The following PNPLA5 variants were observed in gnomAD, a reference collection of about 807,000 sequenced individuals.
The protein encoded by PNPLA5 is patatin like domain 5, triacylglycerol lipase.
Under a neutral mutation model 49.1 loss-of-function variants are expected in PNPLA5, and 44 were observed. The ratio of observed to expected loss-of-function variants is 0.90; its 90% CI spans 0.70 to 1.15. The LOEUF is 1.15. Ranked by LOEUF, PNPLA5 falls within the 50% of genes most tolerant of loss-of-function variation. The probability of loss-of-function intolerance (pLI) is 0.00; values close to 1 mark genes in which losing one functional copy is unlikely to be tolerated. For synonymous variants in PNPLA5, 243 were observed against 244.4 expected (o/e 0.99, Z 0.06); for missense variants, 603 against 564.0 (o/e 1.07, Z -0.70).
chr22:43,889,815 G>C lies in PNPLA5; in HGVS notation c.476C>G (p.Pro159Arg), dbSNP rs1240848351. 6.2e-7 allele frequency: 1 copy of C among 1,613,144 alleles called. No homozygotes were observed. Among genetic ancestry groups the C allele is most frequent in the African/African-American group, 1.3e-5 (1 of 74,928 alleles). The change falls in exon 3 of 9, where the codon CCC becomes CGC. Residue 159 changes from proline to arginine, a missense_variant. Transcript: ENST00000216177. ...YFPFYCGLIPPEFRGERYIDG... is the reference protein window; with the variant it reads ...YFPFYCGLIPREFRGERYIDG... The stretch of plus-strand genomic sequence containing the variant: ...TGCACTCACCTCCCCTCTGAACTCG[G>C]GGGGGATCAGCCCGCAGTAGAAAGG...
chr22:43,889,370 A>C lies in PNPLA5; in HGVS notation c.661T>G (p.Phe221Val). 1 of 1,614,044 alleles carries C rather than the reference A, an allele frequency of 6.2e-7. No individual in the cohort carries two copies. Among genetic ancestry groups the C allele is most frequent in the Non-Finnish European group, 8.5e-7 (1 of 1,180,012 alleles). Residue 221 changes from phenylalanine to valine, a missense_variant, in exon 4 of 9, where the codon TTC (phenylalanine) becomes GTC (valine). Coordinates refer to ENST00000216177, the MANE Select transcript of PNPLA5 (RefSeq NM_138814.4). ...NFSFQISTENFFLGLICLIPP... is the reference protein window; with the variant it reads ...NFSFQISTENVFLGLICLIPP... Reference sequence around the variant, plus strand: ...ATGAGACATATGAGCCCCAGGAAGAAGTTCTCAGTGGAGATTTGGAAGCTG... The same window carrying C: ...ATGAGACATATGAGCCCCAGGAAGACGTTCTCAGTGGAGATTTGGAAGCTG...
chr22:43,891,548 C>T (rs2049723384), intron 1 of PNPLA5, 140 bp downstream of exon 1: 3 of 1,274,900 alleles, frequency 2.4e-6, no homozygotes, highest in Admixed American at 3.2e-5. Flanking sequence ...CCCCAGCACT[C>T]GGTGTTCTCA....
In PNPLA5 at chr22:43,889,862, G is replaced by A; in HGVS notation, c.429C>T (p.Ala143=). The change falls in exon 3 of 9, where the codon GCC becomes GCT. Residue 143 remains alanine (A), a splice_region_variant and synonymous_variant. Transcript: ENST00000216177. ...AAGGAAAGTATAAGGTGCAGACCAA[G>A]GCCTAGGAAGAGAAGAGTCAGCAGG... ...DFATCDELIQ[A]LVCTLYFPFY... The A allele has an allele frequency of 6.2e-7, 1 of 1,613,642 alleles. No homozygotes were observed.
chr22:43,889,338 G>C lies in PNPLA5; in HGVS notation c.693C>G (p.Pro231=). The change falls in exon 4 of 9, where the codon CCC becomes CCG. Residue 231 remains proline, a synonymous_variant. Coordinates refer to ENST00000216177, the MANE Select transcript of PNPLA5 (RefSeq NM_138814.4). ...FFLGLICLIP[P]SLEVVADNCR... is the part of the protein sequence containing the mutation. ...ACAGGGCCAGACCTACCTCGAGGCT[G>C]GGGGGTATGAGACATATGAGCCCCA... 6.2e-7 allele frequency: 1 copy of C among 1,613,338 alleles called. No homozygotes were observed. Among genetic ancestry groups the C allele is most frequent in the Non-Finnish European group, 8.5e-7 (1 of 1,179,770 alleles).
intron 2 of PNPLA5, among the ~76,000 whole-genome samples, chr22:43,890,298 CAGAG>C: frequency 6.6e-6 from 1 of 152,314 alleles, no homozygotes; most frequent in South Asian, 2.1e-4. Context: ...CTGCACCTCC[CAGAG>C]AGAGTTGGGA....
intron 7 of PNPLA5, among the ~76,000 whole-genome samples, chr22:43,882,960 C>G (rs2049625373): frequency 6.6e-6 from 1 of 152,238 alleles, no homozygotes; most frequent in East Asian, 1.9e-4. Context: ...GCTCAGCTGG[C>G]TCCAGAGCTC....
intron 2 of PNPLA5, among the ~76,000 whole-genome samples, chr22:43,890,504 G>T (rs1371732500): frequency 6.6e-6 from 1 of 152,176 alleles, no homozygotes; most frequent in Non-Finnish European, 1.5e-5. Flanking sequence ...TAGTGTCAGG[G>T]TGTATGTGAA....
intron 7 of PNPLA5, among the ~76,000 whole-genome samples, chr22:43,883,476 G>C (rs968737378): frequency 1.3e-5 from 2 of 152,240 alleles, no homozygotes; most frequent in African/African-American, 4.8e-5. Flanking sequence ...ATGTTACTGA[G>C]AGCCTAACCA....
chr22:43,881,532 C>T, intron 8 of PNPLA5, 26 bp downstream of exon 8: 4 of 1,553,332 alleles, frequency 2.6e-6, no homozygotes, highest in Non-Finnish European at 3.5e-6. Flanking sequence ...CACCCCCTCT[C>T]CATCCCTGCC....
chr22:43,888,371 A>AGTGTGTGT (rs35343347), intron 4 of PNPLA5, among the ~76,000 whole-genome samples: 2,888 of 112,908 alleles, frequency 0.026, 70 homozygotes, highest in African/African-American at 0.057. Flanking sequence ...GGGGCAGAGG[A>AGTGTGTGT]GTGTGTGTGT....
At position 43,879,860 on chromosome 22, in the gene PNPLA5, TTTA is replaced by T. The variant is rs1168842687; in HGVS notation, c.*932_*934del. On this transcript the variant is annotated 3_prime_UTR_variant, in exon 9 of 9. Transcript: ENST00000216177. ...ATGCACCACCATGCCCAGCTAAGTT[TTTA>T]TTATTTTTTTTAGAGACAGGGTCTT... 1 of 152,074 alleles carries T rather than the reference TTTA, an allele frequency of 6.6e-6. No individual in the cohort carries two copies. Among genetic ancestry groups the T allele is most frequent in the East Asian group, 1.9e-4 (1 of 5,178 alleles). The allele number at this position is 152,074 out of a possible 1,614,324, so 9.4% of individuals were successfully genotyped here. A position where few individuals can be genotyped will look rare whatever the true frequency, so the allele number is the denominator to read the frequency against.
Position 43,881,717 on chromosome 22 carries a change from G to A in PNPLA5, c.1083-43C>T, listed in dbSNP as rs765233517. On this transcript the variant is annotated intron_variant, in intron 7 of 8. Transcript: ENST00000216177. ...TCAGCTTTGCCCAGGTGAGCCTGGG[G>A]TGTGGCCCCACCAAGCCCACCCTCC... is the stretch of plus-strand genomic sequence containing the variant. 1.9e-6 allele frequency: 3 copies of A among 1,598,912 alleles called. No homozygotes were observed. The Admixed American group carries it at 5.1e-5, about 27-fold the overall frequency.
At chr22:43,889,700 G>C in intron 3 of PNPLA5, 99 bp downstream of exon 3, 1 of 1,521,392 alleles carries the variant, frequency 6.6e-7, no homozygotes. Flanking sequence ...GCACACAGTA[G>C]GTGCTCAAGG....
rs372810257 is a variant in PNPLA5, at chr22:43,880,786, T to C, written c.*9A>G. ...ACACCAGTCACTGGGCTGGCCCTGCTCGGCCCCCTCAGGCCTGGTGGGTGG... is the reference window on the plus strand; with the variant it reads ...ACACCAGTCACTGGGCTGGCCCTGCCCGGCCCCCTCAGGCCTGGTGGGTGG... On this transcript the variant is annotated 3_prime_UTR_variant, in exon 9 of 9. Coordinates refer to ENST00000216177, the MANE Select transcript of PNPLA5 (RefSeq NM_138814.4). 63 of 1,325,972 alleles carry C rather than the reference T, an allele frequency of 4.8e-5. No homozygotes were observed. The African/African-American group carries it at 7.7e-4, about 16-fold the overall frequency. 82.1% of individuals were successfully genotyped at this position (1,325,972 alleles called of 1,614,324 possible).
rs1238951992 is a variant in PNPLA5, at chr22:43,880,448, G to C, written c.*347C>G. Reference sequence around the variant, plus strand: ...GCATCAGGCACTTTCTCAATCTTCTGTGAGGTGCTCCGTGGGCAGCTCCAC... The same window carrying C: ...GCATCAGGCACTTTCTCAATCTTCTCTGAGGTGCTCCGTGGGCAGCTCCAC... On this transcript the variant is annotated 3_prime_UTR_variant, in exon 9 of 9. Coordinates refer to ENST00000216177, the MANE Select transcript of PNPLA5 (RefSeq NM_138814.4). The C allele has an allele frequency of 2.5e-6, 1 of 398,656 alleles. No homozygotes were observed. The highest frequency in any genetic ancestry group is 4.4e-6 in the Non-Finnish European group (1 of 226,184). 24.7% of individuals were successfully genotyped at this position (398,656 alleles called of 1,614,324 possible).
chr22:43,884,207 C>G lies in PNPLA5; in HGVS notation c.1082+6G>C. On this transcript the variant is annotated splice_donor_region_variant and intron_variant, in intron 7 of 8. Transcript: ENST00000216177. ...GCCCTTCCCAGGCCCCCTGGCCGAG[C>G]CTTACCTTCTGCTGCGGAAGTAGAT... The G allele has an allele frequency of 6.5e-7, 1 of 1,544,084 alleles. No individual in the cohort carries two copies. Among genetic ancestry groups the G allele is most frequent in the Non-Finnish European group, 8.8e-7 (1 of 1,142,462 alleles).
intron 2 of PNPLA5, 179 bp from the exon 3 acceptor site, chr22:43,890,043 G>A: frequency 2.2e-6 from 3 of 1,392,014 alleles, no homozygotes; most frequent in Non-Finnish European, 2.8e-6. Flanking sequence ...AGGGATTGGA[G>A]CACCTCTGTC....
Position 43,891,212 on chromosome 22 carries a change from G to A in PNPLA5, c.276C>T (p.Pro92=), listed in dbSNP as rs1482182256. The change falls in exon 2 of 9, where the codon CCC becomes CCT. Residue 92 remains proline, a synonymous_variant. Transcript: ENST00000216177. The part of the protein sequence containing the change: ...SLSILHPAYA[P]IEHVKQQLQD... Reference sequence around the variant, plus strand: ...GCAGCTGCTGCTTGACGTGCTCGATGGGCGCGTAGGCCGGGTGCAGGATGC... The same window carrying A: ...GCAGCTGCTGCTTGACGTGCTCGATAGGCGCGTAGGCCGGGTGCAGGATGC... 11 of 1,580,246 alleles carry A rather than the reference G, an allele frequency of 7.0e-6. No individual in the cohort carries two copies. Among genetic ancestry groups the A allele is most frequent in the Non-Finnish European group, 9.5e-6 (11 of 1,159,522 alleles).
At chr22:43,890,406 C>T (rs184224064) in intron 2 of PNPLA5, among the ~76,000 whole-genome samples, 3 of 152,232 alleles carry the variant, frequency 2.0e-5, no homozygotes, top group African/African-American at 7.2e-5. Flanking sequence ...TTCTCCCCTA[C>T]AGGACACCTA....
Sources: gnomAD v4.1 joint callset for allele counts (sites outside exome capture counted in the v4.1 genomes callset) on GRCh38, gnomAD v4.1.1 for gene constraint, MANE v1.5 for transcripts, NCBI Gene and HGNC (gene_info 2026-07-23, HGNC 2026-07-21) for gene names.